Variants in CHCHD3 observed in about 807,000 individuals in gnomAD.
The protein encoded by CHCHD3 is coiled-coil-helix-coiled-coil-helix domain containing 3.
In CHCHD3, 20 loss-of-function variants were observed where a neutral mutation model predicts 38.2. That is an observed-to-expected ratio of 0.52 (90% CI 0.37 to 0.76). The LOEUF (loss-of-function observed/expected upper bound fraction) is 0.76, where lower values mean the gene tolerates loss of function less well. Ranked by LOEUF, CHCHD3 falls within the 30% of genes least tolerant of loss-of-function variation. The pLI is 0.00. For synonymous variants in CHCHD3, 82 were observed against 100.0 expected (o/e 0.82, Z 1.07); for missense variants, 245 against 279.2 (o/e 0.88, Z 0.87).
Position 132,838,454 on chromosome 7 carries a change from T to C in CHCHD3, c.469A>G (p.Arg157Gly). ...TTCTGATATTGTTCAGTGGTGACTC[T>C]GTAGAACTCTGAGCTCTGTGGACAA... Reference protein sequence around the residue: ...RLEERSSEFYRVTTEQYQKAA... With the variant: ...RLEERSSEFYGVTTEQYQKAA... Residue 157 changes from arginine to glycine, a missense_variant, in exon 6 of 8, where the codon AGA (arginine) becomes GGA (glycine). Physicochemically the swap from Arg to Gly is moderately radical, Grantham distance 125. Transcript: ENST00000262570. 6.2e-7 allele frequency: 1 copy of C among 1,612,088 alleles called. No individual in the cohort carries two copies. Among genetic ancestry groups the C allele is most frequent in the Admixed American group, 1.7e-5 (1 of 59,948 alleles).
chr7:132,929,099 A>G (rs1282879772), intron 4 of CHCHD3, among the ~76,000 whole-genome samples: 1 of 152,224 alleles, frequency 6.6e-6, no homozygotes, highest in Non-Finnish European at 1.5e-5. Context: ...AAAGCTTAAA[A>G]TCTTCATAGA....
chr7:132,827,867 T>C (rs1807546146), intron 6 of CHCHD3, among the ~76,000 whole-genome samples: 1 of 152,210 alleles, frequency 6.6e-6, no homozygotes, highest in African/African-American at 2.4e-5. Context: ...CTCTTCTCTA[T>C]TGCTGAATAG....
At chr7:132,861,271 G>A (rs576867884) in intron 5 of CHCHD3, among the ~76,000 whole-genome samples, 21 of 152,252 alleles carry the variant, frequency 1.4e-4, no homozygotes, top group African/African-American at 4.3e-4. Context: ...ACTCAGGACC[G>A]CTACCTCTGC....
chr7:132,834,752 T>C (rs1807734198), intron 6 of CHCHD3, among the ~76,000 whole-genome samples: 1 of 152,042 alleles, frequency 6.6e-6, no homozygotes, highest in African/African-American at 2.4e-5. Flanking sequence ...CCTCCTGGTA[T>C]CAATGTGTGA....
At chr7:133,037,275 T>C (rs990862865) in intron 2 of CHCHD3, among the ~76,000 whole-genome samples, 5 of 152,162 alleles carry the variant, frequency 3.3e-5, no homozygotes, top group Admixed American at 3.3e-4. Context: ...GAGAAAGATT[T>C]AGACAATGAG....
At chr7:132,876,479 C>A (rs1293623098) in intron 5 of CHCHD3, among the ~76,000 whole-genome samples, 4 of 152,162 alleles carry the variant, frequency 2.6e-5, no homozygotes, top group Non-Finnish European at 5.9e-5. Flanking sequence ...ATTCAAGTGG[C>A]ATATCATTTT....
chr7:132,969,852 C>T (rs1811567570), intron 4 of CHCHD3, among the ~76,000 whole-genome samples: 1 of 152,146 alleles, frequency 6.6e-6, no homozygotes, highest in South Asian at 2.1e-4. Context: ...TAAATGGACC[C>T]CCTCTTGGCC....
rs1807993650 is a variant in CHCHD3, at chr7:132,843,422, T to C, written c.454-4953A>G. Among the ~76,000 whole-genome samples, 2 of 152,208 alleles carry C rather than the reference T, an allele frequency of 1.3e-5. 1 individual carries two copies. The highest frequency in any genetic ancestry group is 4.1e-4 in the South Asian group (2 of 4,828). On this transcript the variant is annotated intron_variant, in intron 5 of 7. Coordinates refer to ENST00000262570, the MANE Select transcript of CHCHD3 (RefSeq NM_017812.4). ...GAACAATGCGAGAATAATATAGTAT[T>C]TAGCTTGCCATTCAAAGTGAAAAAA...
chr7:132,946,385 C>T (rs1810904109), intron 4 of CHCHD3, among the ~76,000 whole-genome samples: 1 of 151,828 alleles, frequency 6.6e-6, no homozygotes, highest in African/African-American at 2.4e-5. Flanking sequence ...TAAAAATCAG[C>T]CAGTTTTAAA....
At chr7:132,811,827 C>G (rs866101492) in intron 6 of CHCHD3, among the ~76,000 whole-genome samples, 2 of 152,134 alleles carry the variant, frequency 1.3e-5, no homozygotes, top group African/African-American at 4.8e-5. Flanking sequence ...GAGTGATGGT[C>G]CTGGAGGTCT....
At chr7:132,821,141 A>ATATAT in intron 6 of CHCHD3, among the ~76,000 whole-genome samples, 1 of 152,320 alleles carries the variant, frequency 6.6e-6, no homozygotes, top group East Asian at 1.9e-4. Context: ...AATATATATT[A>ATATAT]GATCATATGA....
chr7:133,013,318 C>A (rs1187765809), intron 3 of CHCHD3, among the ~76,000 whole-genome samples: 1 of 152,030 alleles, frequency 6.6e-6, no homozygotes, highest in Non-Finnish European at 1.5e-5. Context: ...CAGATGCCGA[C>A]TGCCTGCGTT....
chr7:132,963,628 CAA>C (rs11295074), intron 4 of CHCHD3, among the ~76,000 whole-genome samples: 26 of 128,240 alleles, frequency 2.0e-4, no homozygotes, highest in African/African-American at 4.5e-4. Context: ...GACTCCATCT[CAA>C]AAAAAAAAAA....
Position 132,852,800 on chromosome 7 carries a change from A to C in CHCHD3, c.454-14331T>G, listed in dbSNP as rs534771585. On this transcript the variant is annotated intron_variant, in intron 5 of 7. Coordinates refer to ENST00000262570, the MANE Select transcript of CHCHD3 (RefSeq NM_017812.4). ...GGAGAGTAGCTGGAGAGGCCAAGAC[A>C]AAGTTTGCCTTCCTCCCACTTTTGC... 8.5e-5 allele frequency among the ~76,000 whole-genome samples: 13 copies of C among 152,324 alleles called. No homozygotes were observed. The East Asian group carries it at 1.9e-3, about 23-fold the overall frequency.
At chr7:132,979,969 T>C (rs1585695633) in intron 3 of CHCHD3, among the ~76,000 whole-genome samples, 1 of 152,234 alleles carries the variant, frequency 6.6e-6, no homozygotes, top group Non-Finnish European at 1.5e-5. Flanking sequence ...AAAGAAAAAC[T>C]GCTTATGTTT....
chr7:132,804,454 G>A (rs1396843011), intron 6 of CHCHD3, among the ~76,000 whole-genome samples: 3 of 152,134 alleles, frequency 2.0e-5, no homozygotes, highest in Non-Finnish European at 4.4e-5. Context: ...GGGGTGACTC[G>A]GGTGGTGCGA....
At chr7:132,957,451 C>T (rs938578947) in intron 4 of CHCHD3, among the ~76,000 whole-genome samples, 1 of 152,054 alleles carries the variant, frequency 6.6e-6, no homozygotes, top group Admixed American at 6.6e-5. Flanking sequence ...TCCCGGGGCA[C>T]ACACCCTCTG....
chr7:132,900,969 C>T (rs912430460), intron 4 of CHCHD3, among the ~76,000 whole-genome samples: 7 of 151,834 alleles, frequency 4.6e-5, no homozygotes, highest in Non-Finnish European at 8.8e-5. Flanking sequence ...CCAGCCTGGG[C>T]GACAGAGCAA....
At chr7:133,059,626 G>A (rs771640644) in intron 2 of CHCHD3, among the ~76,000 whole-genome samples, 37 of 152,140 alleles carry the variant, frequency 2.4e-4, no homozygotes, top group Non-Finnish European at 3.7e-4. Context: ...CCACAGACTC[G>A]TACTTTTCCC....
Sources: allele counts gnomAD v4.1 joint callset (sites outside exome capture counted in the v4.1 genomes callset), GRCh38; gene constraint gnomAD v4.1.1; transcripts MANE v1.5; gene names NCBI Gene and HGNC (gene_info 2026-07-23, HGNC 2026-07-21).